NUP188: variants seen among roughly 807,000 people sequenced by gnomAD.
The protein encoded by NUP188 is nucleoporin 188.
A neutral mutation model predicts 223.0 loss-of-function variants in NUP188; 97 were observed. That is an observed-to-expected ratio of 0.43 (90% CI 0.37 to 0.51). The LOEUF (loss-of-function observed/expected upper bound fraction) is 0.51. NUP188 is among the 20% of genes least tolerant of loss of function. The pLI, the probability that NUP188 is intolerant of heterozygous loss-of-function variation, is 0.00. For synonymous variants in NUP188, 869 were observed against 828.0 expected, an observed-to-expected ratio of 1.05 and a Z score of -0.85; for missense variants, 1,947 against 2,175.6, an observed-to-expected ratio of 0.89 and a Z score of 2.09.
intron 12 of NUP188, among the ~76,000 whole-genome samples, chr9:128,976,319 G>C (rs970841171): frequency 4.6e-5 from 7 of 152,110 alleles, no homozygotes; most frequent in Admixed American, 4.6e-4. Flanking sequence ...GACTAACTTG[G>C]TGAAAATTAA....
In NUP188 at chr9:128,984,897, C is replaced by T; in HGVS notation, c.1962-3C>T. On this transcript the variant is annotated splice_region_variant and splice_polypyrimidine_tract_variant and intron_variant, in intron 19 of 43. Coordinates refer to ENST00000372577, the MANE Select transcript of NUP188 (RefSeq NM_015354.3). The stretch of plus-strand genomic sequence containing the variant: ...TTTTTTTTCCCTCTACTTCTTTTTC[C>T]AGTGCGGAAGGGATGAATGCTGGAG... 2 of 1,580,854 alleles carry T rather than the reference C, an allele frequency of 1.3e-6. No individual in the cohort carries two copies. The highest frequency in any genetic ancestry group is 1.2e-5 in the South Asian group (1 of 85,724).
At chr9:128,998,845 C>G (rs565788211) in intron 32 of NUP188, among the ~76,000 whole-genome samples, 3 of 150,624 alleles carry the variant, frequency 2.0e-5, no homozygotes, top group Admixed American at 1.3e-4. Context: ...TCTCACTCCC[C>G]ACCCCGTATT....
intron 3 of NUP188, among the ~76,000 whole-genome samples, chr9:128,954,903 G>A (rs1431315000): frequency 6.0e-5 from 9 of 149,396 alleles, no homozygotes; most frequent in East Asian, 4.0e-4. Context: ...GCCCATGCTC[G>A]CGTGCAATGG....
intron 38 of NUP188, 32 bp downstream of exon 38, chr9:129,003,486 G>C (rs953005005): frequency 1.9e-6 from 3 of 1,602,976 alleles, no homozygotes; most frequent in Admixed American, 1.7e-5. Context: ...TTGGAGTCTG[G>C]GGTAATGCTT....
Position 129,006,768 on chromosome 9 carries a change from A to C in NUP188, c.*90A>C. The C allele has an allele frequency of 1.5e-6, 2 of 1,350,296 alleles. No individual in the cohort carries two copies. Among genetic ancestry groups the C allele is most frequent in the Non-Finnish European group, 2.0e-6 (2 of 1,005,490 alleles). The allele number at this position is 1,350,296 out of a possible 1,614,324, so 83.6% of individuals were successfully genotyped here. A position where few individuals can be genotyped will look rare whatever the true frequency, so the allele number is the denominator to read the frequency against. On this transcript the variant is annotated 3_prime_UTR_variant, in exon 44 of 44. Coordinates refer to ENST00000372577, the MANE Select transcript of NUP188 (RefSeq NM_015354.3). ...TGCTGCTGGCTGCTAGGGCCTATAC[A>C]ATGGAGGGCACCTCCTGTCACCCCC...
At chr9:128,967,558 G>A (rs575817408) in intron 8 of NUP188, among the ~76,000 whole-genome samples, 277 of 152,250 alleles carry the variant, frequency 1.8e-3, no homozygotes, top group African/African-American at 6.4e-3. Flanking sequence ...GGGAGGCCAA[G>A]GTGGGCGGAT....
chr9:128,987,826 C>T, intron 23 of NUP188, 109 bp downstream of exon 23: 2 of 1,421,582 alleles, frequency 1.4e-6, no homozygotes, highest in South Asian at 2.6e-5. Context: ...CGACATTGTT[C>T]TTCCTAGGAC....
rs1205139587 is a variant in NUP188 at position 129,003,306 on chromosome 9, T to C, written c.4297-11T>C. The C allele has an allele frequency of 1.3e-6, 2 of 1,598,932 alleles. No homozygotes were observed. The highest frequency in any genetic ancestry group is 1.1e-5 in the South Asian group (1 of 89,058). ...ATCCCCATCTTTCCCTGATGTGTGC[T>C]TTCCTCCCAGTGCCTCAACGCAGTG... On this transcript the variant is annotated splice_polypyrimidine_tract_variant and intron_variant, in intron 37 of 43. Transcript: ENST00000372577.
intron 11 of NUP188, among the ~76,000 whole-genome samples, chr9:128,972,836 A>T (rs1472415112): frequency 6.6e-6 from 1 of 152,174 alleles, no homozygotes; most frequent in Non-Finnish European, 1.5e-5. Context: ...GTGGCCATTC[A>T]GGTGCTATAT....
intron 8 of NUP188, among the ~76,000 whole-genome samples, chr9:128,965,675 A>T (rs1195610938): frequency 2.6e-5 from 4 of 151,822 alleles, no homozygotes; most frequent in Admixed American, 1.3e-4. Context: ...GTGGTCTCGA[A>T]CTCCTGAGCT....
chr9:128,973,355 T>A (rs529549805), intron 12 of NUP188, 106 bp downstream of exon 12: 1 of 708,356 alleles, frequency 1.4e-6, no homozygotes, highest in African/African-American at 1.8e-5. Context: ...ATGTGTTAAT[T>A]TGTTTACTGG....
At chr9:129,001,803 T>C (rs1269303088) in intron 35 of NUP188, 74 bp downstream of exon 35, 87 of 1,595,140 alleles carry the variant, frequency 5.5e-5, no homozygotes, top group Non-Finnish European at 6.4e-5. Context: ...CCAGAAGCTG[T>C]GATCTAGCCT....
chr9:128,988,689 G>C (rs1035962643), intron 24 of NUP188, among the ~76,000 whole-genome samples: 3 of 139,428 alleles, frequency 2.2e-5, no homozygotes, highest in African/African-American at 7.9e-5. Context: ...TAGAGATTTT[G>C]ACACATTCCA....
chr9:128,957,940 A>G (rs373448588), intron 5 of NUP188, 70 bp from the exon 6 acceptor site: 5 of 1,088,564 alleles, frequency 4.6e-6, no homozygotes, highest in African/African-American at 1.6e-5. Context: ...AAGTGAAGGT[A>G]TCTATCTTTT....
chr9:128,958,014 T>A lies in NUP188; in HGVS notation c.332T>A (p.Val111Glu). The A allele has an allele frequency of 6.2e-7, 1 of 1,612,896 alleles. No homozygotes were observed. Among genetic ancestry groups the A allele is most frequent in the Non-Finnish European group, 8.5e-7 (1 of 1,179,310 alleles). The change falls in exon 6 of 44, where the codon GTA (valine) becomes GAA (glutamate). Residue 111 changes from valine (V) to glutamate (E), a missense_variant. This residue lies in a region of NUP188 where 817 missense variants were observed against 865.8 expected (regional missense o/e 0.94). Coordinates refer to ENST00000372577, the MANE Select transcript of NUP188 (RefSeq NM_015354.3). ...CTGCTCTGTTTTTCTTTTCAGACAGTACTGCAAGATGAGAGGCAGAGCCAG... is the reference window on the plus strand; with the variant it reads ...CTGCTCTGTTTTTCTTTTCAGACAGAACTGCAAGATGAGAGGCAGAGCCAG... ...YRGTRDSVKT[V>E]LQDERQSQAL...
At position 128,949,121 on chromosome 9, in the gene NUP188, C is replaced by T. The variant is rs368009201; in HGVS notation, c.33-68C>T. ...TGCTTTTAGAGAGCAGACAAAATGGCTATGAGGCAGTGTACAAGTTTGTAT... is the reference window on the plus strand; with the variant it reads ...TGCTTTTAGAGAGCAGACAAAATGGTTATGAGGCAGTGTACAAGTTTGTAT... On this transcript the variant is annotated intron_variant, in intron 1 of 43. Coordinates refer to ENST00000372577, the MANE Select transcript of NUP188 (RefSeq NM_015354.3). The T allele has an allele frequency of 1.4e-3, 1,624 of 1,146,136 alleles. 2 individuals carry two copies. The highest frequency in any genetic ancestry group is 1.9e-3 in the Non-Finnish European group (1,438 of 771,794). 71.0% of individuals were successfully genotyped at this position (1,146,136 alleles called of 1,614,324 possible). A position where few individuals can be genotyped will look rare whatever the true frequency, so the allele number is the denominator to read the frequency against.
chr9:128,968,968 C>T lies in NUP188; in HGVS notation c.797+251C>T, dbSNP rs181004333. ...TTCATTCATTCATTGAACAAAAATT[C>T]GTTGAACAACTATTGTAGGCCAAGC... On this transcript the variant is annotated intron_variant, in intron 9 of 43. Coordinates refer to ENST00000372577, the MANE Select transcript of NUP188 (RefSeq NM_015354.3). 4.6e-5 allele frequency among the ~76,000 whole-genome samples: 7 copies of T among 152,244 alleles called. No individual in the cohort carries two copies. The East Asian group carries it at 1.2e-3, about 25-fold the overall frequency.
intron 40 of NUP188, 24 bp from the exon 41 acceptor site, chr9:129,005,621 G>A (rs1285993294): frequency 1.2e-6 from 2 of 1,612,358 alleles, no homozygotes; most frequent in East Asian, 2.2e-5. Context: ...TTGGGTCCTG[G>A]ATGGCTCTTG....
intron 8 of NUP188, among the ~76,000 whole-genome samples, chr9:128,963,613 C>A (rs1841984841): frequency 6.6e-6 from 1 of 152,056 alleles, no homozygotes; most frequent in Non-Finnish European, 1.5e-5. Flanking sequence ...ACATTGTCAC[C>A]AACACTTGGT....
Sources: allele counts gnomAD v4.1 joint callset (sites outside exome capture counted in the v4.1 genomes callset), GRCh38; gene constraint gnomAD v4.1.1; regional missense constraint gnomAD v4.1.1; transcripts MANE v1.5; gene names NCBI Gene and HGNC (gene_info 2026-07-23, HGNC 2026-07-21).